The following TMEM39B variants were observed in gnomAD, a reference collection of about 807,000 sequenced individuals.
The protein encoded by TMEM39B is transmembrane protein 39B.
A neutral mutation model predicts 52.2 loss-of-function variants in TMEM39B; 23 were observed. That is an observed-to-expected ratio of 0.44 (90% CI 0.32 to 0.62). TMEM39B has a LOEUF of 0.62. Ranked by LOEUF, TMEM39B falls within the 20% of genes least tolerant of loss-of-function variation. TMEM39B has a pLI of 0.06. For missense variants in TMEM39B, 547 were observed against 642.0 expected (o/e 0.85, Z 1.60); for synonymous variants, 285 against 264.0 (o/e 1.08, Z -0.77).
In TMEM39B at chr1:32,095,305, C is replaced by T. The variant is rs16834873; in HGVS notation, c.1115+334C>T. ...TGCTCACTCATCCACTGGGTCATTACGTCACCTACTCTTTCAGCAGACATT... is the reference window on the plus strand; with the variant it reads ...TGCTCACTCATCCACTGGGTCATTATGTCACCTACTCTTTCAGCAGACATT... On this transcript the variant is annotated intron_variant, in intron 7 of 8. Transcript: ENST00000336294. 3.7e-4 allele frequency among the ~76,000 whole-genome samples: 56 copies of T among 152,332 alleles called. No individual in the cohort carries two copies. The East Asian group carries it at 8.9e-3, about 24-fold the overall frequency.
chr1:32,094,119 T>A (rs1640721250), intron 6 of TMEM39B, among the ~76,000 whole-genome samples: 1 of 74,134 alleles, frequency 1.3e-5, no homozygotes. Context: ...CGCCTGGCCT[T>A]TTTTTTTTTT....
At chr1:32,094,045 C>G (rs563802972) in intron 6 of TMEM39B, among the ~76,000 whole-genome samples, 1 of 147,956 alleles carries the variant, frequency 6.8e-6, no homozygotes, top group East Asian at 2.0e-4. Context: ...GCCTCGATCT[C>G]CTGACCTTGT....
chr1:32,084,216 C>T (rs1356564601), intron 5 of TMEM39B, among the ~76,000 whole-genome samples: 1 of 152,084 alleles, frequency 6.6e-6, no homozygotes, highest in African/African-American at 2.4e-5. Context: ...TTTATCCAGC[C>T]TCTCAGTCAT....
intron 5 of TMEM39B, among the ~76,000 whole-genome samples, chr1:32,083,522 A>C (rs934570522): frequency 3.7e-5 from 5 of 134,308 alleles, no homozygotes; most frequent in African/African-American, 1.2e-4. Flanking sequence ...TCCCAGTTTC[A>C]AGCGATTTTC....
In TMEM39B at chr1:32,075,866, G is replaced by GTGTGTGTGTGTGTGTGCC. The variant is rs1491219742; in HGVS notation, c.351+53_351+54insGTGTGTGCCTGTGTGTGT. 13 of 1,267,516 alleles carry GTGTGTGTGTGTGTGTGCC rather than the reference G, an allele frequency of 1.0e-5. No individual in the cohort carries two copies. The Admixed American group carries it at 2.6e-4, about 26-fold the overall frequency. 78.5% of individuals were successfully genotyped at this position (1,267,516 alleles called of 1,614,324 possible). On this transcript the variant is annotated intron_variant, in intron 3 of 8. Coordinates refer to ENST00000336294, the MANE Select transcript of TMEM39B (RefSeq NM_018056.4). ...TGTGTGTGTGTGTGTGTGTGTGTGC[G>GTGTGTGTGTGTGTGTGCC]TGTGTGTGTATGTGTGTGTGTGTTT...
chr1:32,101,993 G>A (rs1395186808), intron 8 of TMEM39B, among the ~76,000 whole-genome samples: 1 of 152,100 alleles, frequency 6.6e-6, no homozygotes, highest in African/African-American at 2.4e-5. Context: ...CTATGTCATA[G>A]GATTCTAATT....
At chr1:32,093,063 C>T (rs1640668922) in intron 6 of TMEM39B, among the ~76,000 whole-genome samples, 1 of 152,202 alleles carries the variant, frequency 6.6e-6, no homozygotes, top group Non-Finnish European at 1.5e-5. Flanking sequence ...GGGAAGGTAC[C>T]TCCTCAGCTG....
intron 5 of TMEM39B, among the ~76,000 whole-genome samples, chr1:32,080,196 A>G (rs1025599697): frequency 6.6e-6 from 1 of 152,066 alleles, no homozygotes; most frequent in African/African-American, 2.4e-5. Flanking sequence ...CCTACTGGCA[A>G]ACTTTTAAGT....
rs566544349 is a variant in TMEM39B at position 32,077,108 on chromosome 1, C to T, written c.436-56C>T. On this transcript the variant is annotated intron_variant, in intron 4 of 8. Coordinates refer to ENST00000336294, the MANE Select transcript of TMEM39B (RefSeq NM_018056.4). ...GGTCATGCTGGGTGGGATTTGGGCA[C>T]AGCCCCTTCGGCCTCCATCCAAGGC... 72 of 1,599,570 alleles carry T rather than the reference C, an allele frequency of 4.5e-5. No homozygotes were observed. The East Asian group carries it at 1.4e-3, about 30-fold the overall frequency.
In TMEM39B at chr1:32,083,986, G is replaced by GACACACAC. The variant is rs779224876; in HGVS notation, c.590+6675_590+6676insCACACACA. On this transcript the variant is annotated intron_variant, in intron 5 of 8. Coordinates refer to ENST00000336294, the MANE Select transcript of TMEM39B (RefSeq NM_018056.4). ...GGCAATAGAGCAAGACCCTGTTTCA[G>GACACACAC]ACACACAGACACACACACACACACA... 1.7e-3 allele frequency among the ~76,000 whole-genome samples: 260 copies of GACACACAC among 151,516 alleles called. 2 individuals are homozygous for GACACACAC. Among genetic ancestry groups the GACACACAC allele is most frequent in the South Asian group, 5.2e-3 (25 of 4,786 alleles).
chr1:32,096,701 TTCAC>T (rs1640822190), intron 7 of TMEM39B, among the ~76,000 whole-genome samples: 1 of 152,146 alleles, frequency 6.6e-6, no homozygotes, highest in South Asian at 2.1e-4. Flanking sequence ...CCTCAGGTGA[TTCAC>T]TCGTCCTGGC....
At chr1:32,073,526 G>A in intron 1 of TMEM39B, 1 of 998,268 alleles carries the variant, frequency 1.0e-6, no homozygotes, top group Non-Finnish European at 1.2e-6. Context: ...GGGTTTCTGG[G>A]CTGACAGTTG....
chr1:32,094,232 T>G (rs974511415), intron 6 of TMEM39B, among the ~76,000 whole-genome samples: 1 of 145,318 alleles, frequency 6.9e-6, no homozygotes, highest in Non-Finnish European at 1.5e-5. Flanking sequence ...GTTCAAGCTA[T>G]TCTTCTGCCT....
chr1:32,079,784 T>C (rs2124439508), intron 5 of TMEM39B, among the ~76,000 whole-genome samples: 1 of 151,986 alleles, frequency 6.6e-6, no homozygotes, highest in East Asian at 1.9e-4. Context: ...TTTTTTTTTT[T>C]TCTGAGATGG....
upstream of TMEM39B, chr1:32,072,888 T>C (rs1230453657): frequency 1.0e-6 from 1 of 994,444 alleles, no homozygotes. Context: ...GCGCGCCAGC[T>C]TCCAGCCCGC....
At chr1:32,075,220 G>C in intron 2 of TMEM39B, 143 bp downstream of exon 2, 2 of 1,227,722 alleles carry the variant, frequency 1.6e-6, no homozygotes. Flanking sequence ...AAGATCCAGA[G>C]GGAGCTCAGT....
intron 5 of TMEM39B, among the ~76,000 whole-genome samples, chr1:32,080,599 G>A (rs1230113398): frequency 6.6e-6 from 1 of 150,656 alleles, no homozygotes; most frequent in Non-Finnish European, 1.5e-5. Flanking sequence ...CCTGGGAGGC[G>A]GAGCTTGCAG....
chr1:32,075,739 A>C lies in TMEM39B; in HGVS notation c.268A>C (p.Ile90Leu). 1 of 1,551,642 alleles carries C rather than the reference A, an allele frequency of 6.4e-7. No individual in the cohort carries two copies. Among genetic ancestry groups the C allele is most frequent in the Non-Finnish European group, 8.7e-7 (1 of 1,146,964 alleles). The change falls in exon 3 of 9, where the codon ATA (isoleucine) becomes CTA (leucine). Residue 90 changes from isoleucine to leucine, a missense_variant. Ile to Leu is a conservative substitution (Grantham distance 5). Transcript: ENST00000336294. ...FELQLFFCQLIALFVHYINIY... is the reference protein window; with the variant it reads ...FELQLFFCQLLALFVHYINIY... ...GTTGCAGCTCTTCTTCTGCCAGCTC[A>C]TAGCACTCTTCGTCCACTACATCAA... is the stretch of plus-strand genomic sequence containing the variant.
chr1:32,101,016 G>A (rs925301211), intron 8 of TMEM39B, among the ~76,000 whole-genome samples: 7 of 152,148 alleles, frequency 4.6e-5, no homozygotes, highest in African/African-American at 1.4e-4. Context: ...GGGCAACAGA[G>A]CAAGACTCAT....
Sources: gnomAD v4.1 joint callset for allele counts (sites outside exome capture counted in the v4.1 genomes callset) on GRCh38, gnomAD v4.1.1 for gene constraint, MANE v1.5 for transcripts, NCBI Gene and HGNC (gene_info 2026-07-23, HGNC 2026-07-21) for gene names.